Variants in LDLRAD3 observed in about 807,000 individuals in gnomAD.
LDLRAD3 encodes low-density lipoprotein receptor class A domain-containing protein 3.
Under a neutral mutation model 29.4 loss-of-function variants are expected in LDLRAD3, and 20 were observed. That is an observed-to-expected ratio of 0.68 (90% CI 0.48 to 0.99). The LOEUF is 0.99. Ranked by LOEUF, LDLRAD3 falls within the 50% of genes least tolerant of loss-of-function variation. LDLRAD3 has a pLI of 0.00. For synonymous variants in LDLRAD3, 157 were observed against 192.7 expected, an observed-to-expected ratio of 0.81 and a Z score of 1.53; for missense variants, 420 against 454.3, an observed-to-expected ratio of 0.92 and a Z score of 0.69.
chr11:36,040,189 C>T (rs1339368901), intron 2 of LDLRAD3, among the ~76,000 whole-genome samples: 1 of 151,938 alleles, frequency 6.6e-6, no homozygotes, highest in Non-Finnish European at 1.5e-5. Context: ...AATTCTTGCC[C>T]TTTTCGAAGG....
At chr11:35,968,879 T>A (rs901802069) in intron 1 of LDLRAD3, among the ~76,000 whole-genome samples, 1 of 152,204 alleles carries the variant, frequency 6.6e-6, no homozygotes, top group Non-Finnish European at 1.5e-5. Context: ...AGCTAACATC[T>A]AGCTGTTTCA....
intron 1 of LDLRAD3, among the ~76,000 whole-genome samples, chr11:36,024,763 A>G (rs984887527): frequency 8.5e-5 from 13 of 152,142 alleles, no homozygotes; most frequent in African/African-American, 2.9e-4. Flanking sequence ...GCTATCCTCA[A>G]CTGAGCCCAT....
At chr11:36,188,551 A>G (rs900231249) in intron 4 of LDLRAD3, among the ~76,000 whole-genome samples, 7 of 152,166 alleles carry the variant, frequency 4.6e-5, no homozygotes, top group Non-Finnish European at 1.0e-4. Flanking sequence ...CTCTGGAAAC[A>G]GAAGAGATGG....
At chr11:36,061,471 G>T (rs1404141372) in intron 2 of LDLRAD3, among the ~76,000 whole-genome samples, 1 of 152,084 alleles carries the variant, frequency 6.6e-6, no homozygotes, top group Non-Finnish European at 1.5e-5. Flanking sequence ...CTGGTACCTG[G>T]CATAGTGGAG....
chr11:35,961,546 C>T (rs1851277893), intron 1 of LDLRAD3, among the ~76,000 whole-genome samples: 1 of 152,198 alleles, frequency 6.6e-6, no homozygotes, highest in Non-Finnish European at 1.5e-5. Flanking sequence ...TTCAGGAGCA[C>T]TCACCACATG....
intron 4 of LDLRAD3, among the ~76,000 whole-genome samples, chr11:36,133,388 CT>C (rs1853956530): frequency 1.2e-5 from 1 of 81,590 alleles, no homozygotes; most frequent in Non-Finnish European, 2.5e-5. Flanking sequence ...CTTTTCTTTT[CT>C]TTTCTTTTGG....
intron 4 of LDLRAD3, among the ~76,000 whole-genome samples, chr11:36,207,100 A>G (rs1280162103): frequency 6.6e-6 from 1 of 152,004 alleles, no homozygotes; most frequent in East Asian, 1.9e-4. Context: ...TGTCTGCTGG[A>G]ACTGTGGTCT....
chr11:36,114,773 G>A (rs188752755), intron 4 of LDLRAD3, among the ~76,000 whole-genome samples: 3 of 152,096 alleles, frequency 2.0e-5, no homozygotes, highest in Admixed American at 6.6e-5. Flanking sequence ...TGACTCCATG[G>A]TGCGTCTCTC....
chr11:36,145,354 G>A (rs1315884411), intron 4 of LDLRAD3, among the ~76,000 whole-genome samples: 2 of 98,540 alleles, frequency 2.0e-5, no homozygotes, highest in African/African-American at 4.9e-5. Context: ...CCCTCTGCCC[G>A]GCCAGCCGCC....
At chr11:36,030,477 C>T (rs914458098) in intron 1 of LDLRAD3, among the ~76,000 whole-genome samples, 25 of 138,954 alleles carry the variant, frequency 1.8e-4, no homozygotes, top group African/African-American at 5.8e-4. Flanking sequence ...TGTGTGTGTA[C>T]GTTTGAAGAA....
intron 1 of LDLRAD3, among the ~76,000 whole-genome samples, chr11:36,030,038 C>G (rs1852216220): frequency 6.6e-6 from 1 of 152,204 alleles, no homozygotes; most frequent in Non-Finnish European, 1.5e-5. Context: ...ACCAATTTCC[C>G]TGGGCTGTCT....
intron 4 of LDLRAD3, among the ~76,000 whole-genome samples, chr11:36,191,404 G>A (rs142332729): frequency 4.6e-5 from 7 of 151,750 alleles, no homozygotes; most frequent in East Asian, 3.9e-4. Flanking sequence ...ATAGCTGGGC[G>A]TGGTGGTGCT....
chr11:36,019,400 C>T (rs1160199078), intron 1 of LDLRAD3, among the ~76,000 whole-genome samples: 2 of 152,208 alleles, frequency 1.3e-5, no homozygotes, highest in East Asian at 3.8e-4. Context: ...GCTGGCATTT[C>T]CTATGTCAGT....
intron 1 of LDLRAD3, among the ~76,000 whole-genome samples, chr11:36,008,009 T>C (rs1257476993): frequency 6.6e-6 from 1 of 152,206 alleles, no homozygotes; most frequent in Admixed American, 6.5e-5. Flanking sequence ...TCTGGTGGAC[T>C]GTTCAGCCTA....
At chr11:36,200,658 G>A (rs1163330154) in intron 4 of LDLRAD3, among the ~76,000 whole-genome samples, 2 of 152,206 alleles carry the variant, frequency 1.3e-5, no homozygotes, top group Admixed American at 1.3e-4. Context: ...GGCACCAAAT[G>A]CCTGCTCTGC....
chr11:36,184,153 C>T, intron 4 of LDLRAD3: 2 of 188,628 alleles, frequency 1.1e-5, no homozygotes, highest in Non-Finnish European at 2.2e-5. Flanking sequence ...TTAATAGAGA[C>T]AGGGTTTCTC....
intron 4 of LDLRAD3, among the ~76,000 whole-genome samples, chr11:36,134,517 A>G (rs1393031865): frequency 6.6e-6 from 1 of 152,122 alleles, no homozygotes; most frequent in Non-Finnish European, 1.5e-5. Flanking sequence ...TTGAGAGGGA[A>G]TTTTACATAT....
At chr11:36,212,928 A>C (rs1398381541) in intron 4 of LDLRAD3, among the ~76,000 whole-genome samples, 1 of 152,216 alleles carries the variant, frequency 6.6e-6, no homozygotes, top group Non-Finnish European at 1.5e-5. Flanking sequence ...GGCAGTGGTT[A>C]GGCAGATAGA....
intron 1 of LDLRAD3, chr11:35,968,404 C>G (rs1457648265): frequency 5.5e-6 from 2 of 360,456 alleles, no homozygotes; most frequent in African/African-American, 2.1e-5. Flanking sequence ...GCTGCTTGTT[C>G]CTGTTGCCTG....
Sources: allele counts gnomAD v4.1 joint callset (sites outside exome capture counted in the v4.1 genomes callset), GRCh38; gene constraint gnomAD v4.1.1; transcripts MANE v1.5; gene names NCBI Gene and HGNC (gene_info 2026-07-23, HGNC 2026-07-21).